Variants in NSF observed in about 807,000 individuals in gnomAD.
NSF encodes the protein N-ethylmaleimide sensitive factor, vesicle fusing ATPase.
In NSF, 14 loss-of-function variants were observed where a neutral mutation model predicts 50.3. The observed-to-expected ratio is 0.28, with a 90% CI of 0.18 to 0.44. The LOEUF is 0.44. Among genes scored for constraint, NSF ranks in the 20% least tolerant of loss-of-function variants. The probability of loss-of-function intolerance (pLI) is 1.00; values close to 1 mark genes in which losing one functional copy is unlikely to be tolerated. For missense variants in NSF, 218 were observed against 504.3 expected, an observed-to-expected ratio of 0.43 and a Z score of 5.44; for synonymous variants, 109 against 175.7, an observed-to-expected ratio of 0.62 and a Z score of 3.00.
At chr17:46,712,749 C>T (rs527938314) in intron 14 of NSF, among the ~76,000 whole-genome samples, 2 of 151,952 alleles carry the variant, frequency 1.3e-5, no homozygotes, top group Non-Finnish European at 2.9e-5. Context: ...GTCTCTGAAG[C>T]ATGTTAACAC....
chr17:46,736,547 T>G (rs368433897), intron 17 of NSF, among the ~76,000 whole-genome samples: 1 of 152,236 alleles, frequency 6.6e-6, no homozygotes, highest in Non-Finnish European at 1.5e-5. Context: ...ATTTCTTTTT[T>G]ATTTTGCTTT....
chr17:46,713,943 T>C lies in NSF; in HGVS notation c.1718T>C (p.Met573Thr). 16 of 1,605,938 alleles carry C rather than the reference T, an allele frequency of 1.0e-5. No individual in the cohort carries two copies. The highest frequency in any genetic ancestry group is 1.3e-5 in the African/African-American group (1 of 74,622). ...PFIKICSPDK[M>T]IGFSETAKCQ... ...ATCAAGATCTGTTCTCCTGATAAAA[T>C]GATTGGCTTTTCTGAAACAGCCAAA... The change falls in exon 15 of 21, where the codon ATG becomes ACG. Residue 573 changes from methionine (M) to threonine (T), a missense_variant. Around this residue, in one of 2 missense-constraint regions of NSF, gnomAD observed 209 missense variants for 320.9 expected, o/e 0.65. Transcript: ENST00000398238.
intron 15 of NSF, among the ~76,000 whole-genome samples, chr17:46,723,381 A>G (rs1197138530): frequency 1.3e-5 from 2 of 152,214 alleles, no homozygotes; most frequent in African/African-American, 4.8e-5. Context: ...TTTATAAGAT[A>G]CCACATTGGC....
At chr17:46,731,605 A>T (rs1322901639) in intron 17 of NSF, among the ~76,000 whole-genome samples, 4 of 152,320 alleles carry the variant, frequency 2.6e-5, no homozygotes, top group Admixed American at 1.3e-4. Flanking sequence ...TACGTGGCCC[A>T]GCTTGGGAGA....
rs569361825 is a variant in NSF, at chr17:46,737,656, G to A, written c.1908+8722G>A. Among the ~76,000 whole-genome samples, 274 of 152,098 alleles carry A rather than the reference G, an allele frequency of 1.8e-3. 1 individual carries two copies. Among genetic ancestry groups the A allele is most frequent in the African/African-American group, 6.1e-3 (253 of 41,462 alleles). On this transcript the variant is annotated intron_variant, in intron 17 of 20. Transcript: ENST00000398238. ...GTGTCCCTGTCACAATCCAGGGTGG[G>A]AGAAAGATGTGAAAACATGATGCAT...
At chr17:46,751,990 T>C (rs1260448223) in intron 19 of NSF, among the ~76,000 whole-genome samples, 4 of 152,164 alleles carry the variant, frequency 2.6e-5, no homozygotes, top group African/African-American at 7.2e-5. Context: ...AGGTTATTGA[T>C]GGAGAAGGGA....
intron 17 of NSF, among the ~76,000 whole-genome samples, chr17:46,739,793 G>A (rs1052398445): frequency 2.0e-5 from 3 of 151,790 alleles, no homozygotes; most frequent in Admixed American, 2.0e-4. Context: ...CTGCCTCCCG[G>A]GTTCAAGCAA....
At chr17:46,753,839 C>G (rs906071730) in intron 19 of NSF, among the ~76,000 whole-genome samples, 1 of 152,214 alleles carries the variant, frequency 6.6e-6, no homozygotes, top group East Asian at 1.9e-4. Context: ...TGAGTGAATT[C>G]TCTTTAGATC....
intron 15 of NSF, among the ~76,000 whole-genome samples, 180 bp from the exon 16 acceptor site, chr17:46,726,369 A>G (rs1344279826): frequency 6.6e-6 from 1 of 152,220 alleles, no homozygotes; most frequent in Admixed American, 6.5e-5. Flanking sequence ...TGCTGAAAAC[A>G]GCCTTAGCCT....
chr17:46,737,565 G>A (rs535836534), intron 17 of NSF, among the ~76,000 whole-genome samples: 9 of 96,944 alleles, frequency 9.3e-5, no homozygotes, highest in African/African-American at 2.9e-4. Flanking sequence ...CACCTAGGGT[G>A]TGTGTGCGTG....
intron 14 of NSF, 51 bp from the exon 15 acceptor site, chr17:46,713,802 C>T (rs2058741532): frequency 6.3e-7 from 1 of 1,577,952 alleles, no homozygotes; most frequent in Non-Finnish European, 8.6e-7. Flanking sequence ...GTTTTATTTC[C>T]CTTTGCTTAG....
intron 15 of NSF, among the ~76,000 whole-genome samples, chr17:46,726,028 T>G (rs2058885845): frequency 6.6e-6 from 1 of 152,212 alleles, no homozygotes; most frequent in Admixed American, 6.5e-5. Context: ...TTTGTCTGGT[T>G]TTATACGTAC....
At chr17:46,754,074 G>T (rs1208764488) in intron 19 of NSF, among the ~76,000 whole-genome samples, 2 of 149,596 alleles carry the variant, frequency 1.3e-5, no homozygotes, top group Admixed American at 1.3e-4. Flanking sequence ...TCAGTAAGTT[G>T]TTGCTCACAC....
At chr17:46,734,012 A>G (rs1051827091) in intron 17 of NSF, among the ~76,000 whole-genome samples, 1 of 152,212 alleles carries the variant, frequency 6.6e-6, no homozygotes, top group Non-Finnish European at 1.5e-5. Flanking sequence ...GGGTAGACAC[A>G]CTTGTTTCTG....
At chr17:46,598,503 A>G (rs1276522657) in intron 1 of NSF, among the ~76,000 whole-genome samples, 4 of 152,362 alleles carry the variant, frequency 2.6e-5, no homozygotes, top group Non-Finnish European at 5.9e-5. Flanking sequence ...CTTTCTTCAT[A>G]AGTCCTTAAA....
At chr17:46,742,005 C>T (rs144351579) in intron 17 of NSF, among the ~76,000 whole-genome samples, 1,826 of 152,290 alleles carry the variant, frequency 0.012, 14 homozygotes, top group Middle Eastern at 0.041. Context: ...CCACCCGCCT[C>T]GGCCTCCCAA....
intron 15 of NSF, among the ~76,000 whole-genome samples, chr17:46,717,870 C>T (rs761229435): frequency 4.6e-5 from 7 of 152,074 alleles, no homozygotes; most frequent in Non-Finnish European, 8.8e-5. Context: ...GAAAGCTGAC[C>T]GAACTGGAGC....
intron 15 of NSF, chr17:46,721,433 T>A: frequency 4.9e-6 from 3 of 609,900 alleles, no homozygotes; most frequent in Non-Finnish European, 8.6e-6. Context: ...AGCCTTCTCT[T>A]TCAGACTTCC....
intron 17 of NSF, among the ~76,000 whole-genome samples, chr17:46,741,161 C>G (rs1216672970): frequency 1.3e-5 from 2 of 152,100 alleles, no homozygotes; most frequent in Non-Finnish European, 2.9e-5. Context: ...GACATGAGAG[C>G]CTCAGACAGA....
Sources: gnomAD v4.1 joint callset for allele counts (sites outside exome capture counted in the v4.1 genomes callset) on GRCh38, gnomAD v4.1.1 for gene constraint, gnomAD v4.1.1 regional missense constraint, MANE v1.5 for transcripts, NCBI Gene and HGNC (gene_info 2026-07-23, HGNC 2026-07-21) for gene names.